CCDC88C: variants seen among roughly 807,000 people sequenced by gnomAD.
CCDC88C encodes protein Daple.
CCDC88C carries 131 observed loss-of-function variants against 198.8 expected under a neutral mutation model. That is an observed-to-expected ratio of 0.66 (90% CI 0.57 to 0.76). The LOEUF is 0.76. Ranked by LOEUF, CCDC88C falls within the 30% of genes least tolerant of loss-of-function variation. CCDC88C has a pLI of 0.00. For synonymous variants in CCDC88C, 1,166 were observed against 1,114.7 expected (o/e 1.05, Z -0.92); for missense variants, 2,553 against 2,631.6 (o/e 0.97, Z 0.65).
intron 10 of CCDC88C, among the ~76,000 whole-genome samples, chr14:91,330,246 C>T (rs1262790726): frequency 2.0e-5 from 3 of 152,248 alleles, no homozygotes; most frequent in Admixed American, 6.5e-5. Flanking sequence ...CTGGGAGACG[C>T]AGCCCGCACA....
chr14:91,273,514 A>G lies in CCDC88C; in HGVS notation c.5198T>C (p.Val1733Ala), dbSNP rs771181468. 15 of 1,538,260 alleles carry G rather than the reference A, an allele frequency of 9.8e-6. No individual in the cohort carries two copies. The highest frequency in any genetic ancestry group is 1.3e-5 in the Non-Finnish European group (15 of 1,142,038). Residue 1733 changes from valine (V) to alanine (A), a missense_variant, in exon 30 of 30, where the codon GTC becomes GCC. Val to Ala is a moderately conservative substitution (Grantham distance 64). This residue lies in a region of CCDC88C where 1,293 missense variants were observed against 1,219.6 expected (regional missense o/e 1.06). Transcript: ENST00000389857. This position sits in a 1 kb window ranked among gnomAD's most constrained non-coding sequence, Gnocchi z 5.6. ...KMPTNFVAPT[V>A]KMAAPTSEGR... is the part of the protein sequence containing the mutation. The stretch of plus-strand genomic sequence containing the variant: ...CTCCGAGGTGGGGGCGGCCATTTTG[A>G]CGGTGGGGGCCACAAAGTTGGTGGG...
Position 91,303,802 on chromosome 14 carries a change from G to A in CCDC88C, c.3534C>T (p.His1178=), listed in dbSNP as rs1390186794. ...CCTCGTACTCGGCCGATTGCCGCTC[G>A]TGCAGCGTGCCCAGGTGCTCGTGGT... ...LQDHEHLGTL[H]ERQSAEYEAL... Residue 1178 remains histidine, a synonymous_variant, in exon 20 of 30, where the codon CAC becomes CAT. Coordinates refer to ENST00000389857, the MANE Select transcript of CCDC88C (RefSeq NM_001080414.4). 1.9e-6 allele frequency: 3 copies of A among 1,613,322 alleles called. No individual in the cohort carries two copies. The highest frequency in any genetic ancestry group is 1.6e-4 in the Middle Eastern group (1 of 6,062).
intron 12 of CCDC88C, among the ~76,000 whole-genome samples, chr14:91,322,903 T>C (rs1432426428): frequency 8.9e-6 from 1 of 112,930 alleles, no homozygotes; most frequent in East Asian, 2.2e-4. Flanking sequence ...CCAGTGTTTC[T>C]CTTTTTTTTT....
At chr14:91,354,041 T>G (rs567781755) in intron 4 of CCDC88C, among the ~76,000 whole-genome samples, 1 of 152,312 alleles carries the variant, frequency 6.6e-6, no homozygotes, top group African/African-American at 2.4e-5. Flanking sequence ...CTTGCGCCTA[T>G]GGGGACCTCC....
chr14:91,390,236 A>G (rs1191236160), intron 3 of CCDC88C, among the ~76,000 whole-genome samples: 1 of 152,148 alleles, frequency 6.6e-6, no homozygotes, highest in Non-Finnish European at 1.5e-5. Context: ...ACTGTCACAC[A>G]CATTCTTAGT....
rs2475051 is a variant in CCDC88C at position 91,417,717 on chromosome 14, G to A, written c.-27C>T. The A allele has an allele frequency of 1.4e-6, 2 of 1,474,826 alleles. No individual in the cohort carries two copies. The highest frequency in any genetic ancestry group is 1.8e-6 in the Non-Finnish European group (2 of 1,112,908). The allele number at this position is 1,474,826 out of a possible 1,614,324, so 91.4% of individuals were successfully genotyped here. ...CTGAGGCTGCGCCCGCCGGCTCCGC[G>A]CCCCCCGCCCCGCGTCCCCGTTCCC... On this transcript the variant is annotated 5_prime_UTR_variant, in exon 1 of 30. Transcript: ENST00000389857.
At position 91,340,004 on chromosome 14, in the gene CCDC88C, G is replaced by T. The variant is rs536404141; in HGVS notation, c.504C>A (p.Asn168Lys). Reference sequence around the variant, plus strand: ...GCTCCAGCCACTGCAGGTCAAACACGTTCTCTTGGTTGTGAGTCACCTGTG... The same window carrying T: ...GCTCCAGCCACTGCAGGTCAAACACTTTCTCTTGGTTGTGAGTCACCTGTG... ...HIQEVTHNQE[N>K]VFDLQWLELP... The change falls in exon 7 of 30, where the codon AAC becomes AAA. Residue 168 changes from asparagine to lysine, a missense_variant. Around this residue, in one of 2 missense-constraint regions of CCDC88C, gnomAD observed 1,260 missense variants for 1,412.0 expected, o/e 0.89. Coordinates refer to ENST00000389857, the MANE Select transcript of CCDC88C (RefSeq NM_001080414.4). The T allele has an allele frequency of 6.2e-7, 1 of 1,609,382 alleles. No individual in the cohort carries two copies. The highest frequency in any genetic ancestry group is 8.5e-7 in the Non-Finnish European group (1 of 1,178,448).
At chr14:91,324,650 T>A in intron 12 of CCDC88C, 129 bp downstream of exon 12, 1 of 1,187,434 alleles carries the variant, frequency 8.4e-7, no homozygotes, top group African/African-American at 1.5e-5. Context: ...AAGTGGAGCT[T>A]GAAGGAAATC....
chr14:91,354,284 G>C (rs1183185776), intron 4 of CCDC88C, among the ~76,000 whole-genome samples: 1 of 152,224 alleles, frequency 6.6e-6, no homozygotes, highest in African/African-American at 2.4e-5. Flanking sequence ...CTTCCCGTCA[G>C]ACAAATCTAG....
intron 3 of CCDC88C, among the ~76,000 whole-genome samples, chr14:91,402,873 G>C (rs575319741): frequency 6.6e-6 from 1 of 152,270 alleles, no homozygotes; most frequent in Non-Finnish European, 1.5e-5. Flanking sequence ...TAAGGCACCC[G>C]GGCTGTATTT....
At chr14:91,321,392 G>A (rs936864450) in intron 12 of CCDC88C, 88 bp from the exon 13 acceptor site, 18 of 1,381,356 alleles carry the variant, frequency 1.3e-5, no homozygotes, top group South Asian at 8.8e-5. Context: ...CATCAGTCCC[G>A]GAGTCCAGGG....
In CCDC88C at chr14:91,273,665, A is replaced by C. The variant is rs1166079113; in HGVS notation, c.5059-12T>G. 4 of 1,443,764 alleles carry C rather than the reference A, an allele frequency of 2.8e-6. No individual in the cohort carries two copies. The highest frequency in any genetic ancestry group is 3.7e-6 in the Non-Finnish European group (4 of 1,095,258). 89.4% of individuals were successfully genotyped at this position (1,443,764 alleles called of 1,614,324 possible). ...CAACTGGGAGTGTCCTACGGAGAAG[A>C]GAGTGAAGGTTGGAGGTGGGCATGA... On this transcript the variant is annotated splice_polypyrimidine_tract_variant and intron_variant, in intron 29 of 29. Coordinates refer to ENST00000389857, the MANE Select transcript of CCDC88C (RefSeq NM_001080414.4). This position sits in a 1 kb window ranked among gnomAD's most constrained non-coding sequence, Gnocchi z 5.6.
Position 91,273,949 on chromosome 14 carries a change from G to C in CCDC88C, c.5059-296C>G, listed in dbSNP as rs1157411370. Among the ~76,000 whole-genome samples the C allele has an allele frequency of 6.6e-6, 1 of 152,166 alleles. No individual in the cohort carries two copies. The highest frequency in any genetic ancestry group is 1.5e-5 in the Non-Finnish European group (1 of 68,030). The stretch of plus-strand genomic sequence containing the variant: ...AGAGGGAAATGACTTCCTACAAAGT[G>C]AGTAAGTTTCCCAGAAACCTCGACT... On this transcript the variant is annotated intron_variant, in intron 29 of 29. Transcript: ENST00000389857. The surrounding 1 kb of genome is among the most constrained non-coding windows in gnomAD (Gnocchi z 5.6).
chr14:91,376,786 C>G (rs1042776639), intron 3 of CCDC88C, among the ~76,000 whole-genome samples: 2 of 152,180 alleles, frequency 1.3e-5, no homozygotes, highest in Non-Finnish European at 2.9e-5. Context: ...GCTGGCTGCC[C>G]ACGACACCCA....
intron 4 of CCDC88C, among the ~76,000 whole-genome samples, chr14:91,345,003 A>G (rs1015666513): frequency 2.6e-5 from 4 of 151,030 alleles, no homozygotes; most frequent in African/African-American, 9.7e-5. Flanking sequence ...AATATTGCCC[A>G]GGTTGGTCTT....
At chr14:91,304,228 G>C (rs186400540) in intron 19 of CCDC88C, among the ~76,000 whole-genome samples, 3 of 152,344 alleles carry the variant, frequency 2.0e-5, no homozygotes, top group African/African-American at 7.2e-5. Context: ...TGCTGGGGCA[G>C]ATGATGTCCT....
chr14:91,304,255 C>T (rs1327951396), intron 19 of CCDC88C, among the ~76,000 whole-genome samples: 2 of 152,202 alleles, frequency 1.3e-5, no homozygotes, highest in African/African-American at 4.8e-5. Flanking sequence ...GGATAACTCC[C>T]TTGTGTGCTG....
At chr14:91,337,644 C>T (rs769812666) in intron 10 of CCDC88C, among the ~76,000 whole-genome samples, 3 of 152,216 alleles carry the variant, frequency 2.0e-5, no homozygotes, top group African/African-American at 4.8e-5. Context: ...CCCGGTTGCC[C>T]GTTATTCCCA....
At chr14:91,324,574 G>C (rs562789953) in intron 12 of CCDC88C, among the ~76,000 whole-genome samples, 1 of 152,220 alleles carries the variant, frequency 6.6e-6, no homozygotes, top group South Asian at 2.1e-4. Context: ...TGTGTTTTGC[G>C]TCCTGACATC....
Sources: allele counts gnomAD v4.1 joint callset (sites outside exome capture counted in the v4.1 genomes callset), GRCh38; gene constraint gnomAD v4.1.1; regional missense constraint gnomAD v4.1.1; non-coding constraint Gnocchi (gnomAD v3.1); transcripts MANE v1.5; gene names NCBI Gene and HGNC (gene_info 2026-07-23, HGNC 2026-07-21).